IGF1R: variants seen among roughly 807,000 people sequenced by gnomAD.
IGF1R encodes the protein insulin-like growth factor 1 receptor.
Under a neutral mutation model 144.6 loss-of-function variants are expected in IGF1R, and 44 were observed. The ratio of observed to expected loss-of-function variants is 0.30; its 90% confidence interval spans 0.24 to 0.39. The LOEUF is 0.39. Among genes scored for constraint, IGF1R ranks in the 10% least tolerant of loss-of-function variants. The pLI, the probability that IGF1R is intolerant of heterozygous loss-of-function variation, is 1.00. For missense variants in IGF1R, 1,355 were observed against 1,833.7 expected, an observed-to-expected ratio of 0.74 and a Z score of 4.77; for synonymous variants, 795 against 722.8, an observed-to-expected ratio of 1.10 and a Z score of -1.60.
Position 98,957,486 on chromosome 15 carries a change from C to T in IGF1R, c.*44C>T, listed in dbSNP as rs771268141. On this transcript the variant is annotated 3_prime_UTR_variant, in exon 21 of 21. Coordinates refer to ENST00000650285, the MANE Select transcript of IGF1R (RefSeq NM_000875.5). The stretch of plus-strand genomic sequence containing the variant: ...GTGCAAACAGTAACGTGTGCGCACG[C>T]GCAGCGGGGTGGGGGGGGAGAGAGA... 9.4e-5 allele frequency: 151 copies of T among 1,610,334 alleles called. No individual in the cohort carries two copies. The highest frequency in any genetic ancestry group is 1.1e-4 in the Non-Finnish European group (133 of 1,178,958).
chr15:98,839,767 T>C (rs2465533), intron 2 of IGF1R, among the ~76,000 whole-genome samples: 5,585 of 152,264 alleles, frequency 0.037, 161 homozygotes, highest in East Asian at 0.15. Context: ...GGCTGCTTCC[T>C]CTACATGGTA....
At position 98,902,656 on chromosome 15, in the gene IGF1R, C is replaced by T. The variant is rs539048599; in HGVS notation, c.1247+3035C>T. Among the ~76,000 whole-genome samples, 9 of 152,012 alleles carry T rather than the reference C, an allele frequency of 5.9e-5. No individual in the cohort carries two copies. The South Asian group carries it at 1.9e-3, about 32-fold the overall frequency. On this transcript the variant is annotated intron_variant, in intron 5 of 20. Transcript: ENST00000650285. ...GTCTCAAACTCCTGACCTTGTGATC[C>T]GCCCGCCTCAGCCTCCCAATGTGCT...
Position 98,961,044 on chromosome 15 carries a change from C to G in IGF1R, c.*3602C>G, listed in dbSNP as rs1343756889. The G allele has an allele frequency of 4.3e-6, 1 of 233,544 alleles. No homozygotes were observed. Among genetic ancestry groups the G allele is most frequent in the Non-Finnish European group, 8.5e-6 (1 of 118,020 alleles). The allele number at this position is 233,544 out of a possible 1,614,324, so 14.5% of individuals were successfully genotyped here. On this transcript the variant is annotated 3_prime_UTR_variant, in exon 21 of 21. Coordinates refer to ENST00000650285, the MANE Select transcript of IGF1R (RefSeq NM_000875.5). ...AGTGTGGCGGGCAGCTTTGCCTAAG[C>G]GTGGATGGCTCCTCGGCAATTCCAG...
chr15:98,934,702 C>T, intron 15 of IGF1R, 122 bp from the exon 16 acceptor site: 1 of 821,730 alleles, frequency 1.2e-6, no homozygotes, highest in Non-Finnish European at 2.1e-6. Context: ...CCATCGCCTC[C>T]TGGTATTCTC....
Position 98,897,799 on chromosome 15 carries a change from C to T in IGF1R, c.1102+894C>T, listed in dbSNP as rs572021802. Among the ~76,000 whole-genome samples, 9 of 152,238 alleles carry T rather than the reference C, an allele frequency of 5.9e-5. 1 individual carries two copies. In the South Asian group the frequency reaches 1.9e-3, roughly 32 times the overall value. ...TTGCCAAGGGCTTCTAGTAATGGTG[C>T]CTTAAATTCTCTGCCACTGGGACCA... On this transcript the variant is annotated intron_variant, in intron 4 of 20. Transcript: ENST00000650285.
At chr15:98,951,780 C>T (rs953871022) in intron 20 of IGF1R, among the ~76,000 whole-genome samples, 3 of 151,528 alleles carry the variant, frequency 2.0e-5, no homozygotes, top group Non-Finnish European at 4.4e-5. Context: ...GTGCAGAGTT[C>T]GGCACACTCT....
intron 1 of IGF1R, among the ~76,000 whole-genome samples, chr15:98,687,322 T>C (rs1396602891): frequency 6.6e-6 from 1 of 152,128 alleles, no homozygotes; most frequent in Non-Finnish European, 1.5e-5. Flanking sequence ...CAGGCGAGTG[T>C]TAAAGGCCTG....
intron 5 of IGF1R, among the ~76,000 whole-genome samples, chr15:98,905,100 A>G (rs2014669718): frequency 6.6e-6 from 1 of 152,244 alleles, no homozygotes; most frequent in African/African-American, 2.4e-5. Context: ...GATGAGGCTC[A>G]GACCTGACCT....
intron 4 of IGF1R, 115 bp from the exon 5 acceptor site, chr15:98,899,362 G>T (rs912999188): frequency 7.0e-6 from 7 of 1,005,332 alleles, no homozygotes; most frequent in African/African-American, 1.6e-5. Context: ...CCTGTGCTGG[G>T]AGCATCTCAG....
intron 6 of IGF1R, among the ~76,000 whole-genome samples, chr15:98,909,809 C>T (rs944827345): frequency 6.6e-5 from 10 of 152,220 alleles, no homozygotes; most frequent in African/African-American, 2.2e-4. Flanking sequence ...TAATTACAGC[C>T]TTGTACTGTT....
intron 2 of IGF1R, among the ~76,000 whole-genome samples, chr15:98,744,140 C>G (rs143383099): frequency 6.6e-6 from 1 of 152,040 alleles, no homozygotes; most frequent in East Asian, 1.9e-4. Context: ...AAAGTAGAAA[C>G]ACACATGAGA....
rs886763114 is a variant in IGF1R at position 98,836,108 on chromosome 15, C to T, written c.641-55217C>T. Among the ~76,000 whole-genome samples the T allele has an allele frequency of 5.3e-5, 8 of 152,058 alleles. No homozygotes were observed. In the East Asian group the frequency reaches 7.7e-4, roughly 15 times the overall value. On this transcript the variant is annotated intron_variant, in intron 2 of 20. Coordinates refer to ENST00000650285, the MANE Select transcript of IGF1R (RefSeq NM_000875.5). ...TGAAATTCGTCCAGTGAGGAAAATC[C>T]GCAGAGCTAGAGCCCAAACCAGCAA...
intron 1 of IGF1R, among the ~76,000 whole-genome samples, chr15:98,696,548 A>C (rs1457254317): frequency 6.6e-6 from 1 of 152,240 alleles, no homozygotes; most frequent in Non-Finnish European, 1.5e-5. Context: ...GAAAATGGGC[A>C]CATCCCCAAA....
At chr15:98,816,680 C>T (rs1420817126) in intron 2 of IGF1R, among the ~76,000 whole-genome samples, 1 of 152,218 alleles carries the variant, frequency 6.6e-6, no homozygotes, top group East Asian at 1.9e-4. Context: ...TTGATGCTCC[C>T]TGGAGTGTAA....
intron 2 of IGF1R, among the ~76,000 whole-genome samples, chr15:98,728,724 C>G (rs2054425715): frequency 6.6e-6 from 1 of 152,218 alleles, no homozygotes; most frequent in Admixed American, 6.5e-5. Flanking sequence ...CTGCACTCTC[C>G]CGAGGCCAGC....
chr15:98,878,243 A>G (rs1380441774), intron 2 of IGF1R, among the ~76,000 whole-genome samples: 2 of 152,224 alleles, frequency 1.3e-5, no homozygotes, highest in African/African-American at 2.4e-5. Context: ...GTTTGTCCCT[A>G]CGGGACACAG....
chr15:98,761,152 T>G (rs550090307), intron 2 of IGF1R, among the ~76,000 whole-genome samples: 3 of 152,322 alleles, frequency 2.0e-5, no homozygotes. Flanking sequence ...TGGCTCTGAG[T>G]TCCAGAGTGT....
chr15:98,657,409 C>T lies in IGF1R; in HGVS notation c.94+7734C>T, dbSNP rs186026014. On this transcript the variant is annotated intron_variant, in intron 1 of 20. Transcript: ENST00000650285. Reference sequence around the variant, plus strand: ...ATTAATTCTGTCTAGATTGTAAAATCCCTCTCAGTTGTGTCCACATTTATC... The same window carrying T: ...ATTAATTCTGTCTAGATTGTAAAATTCCTCTCAGTTGTGTCCACATTTATC... Among the ~76,000 whole-genome samples, 49 of 152,320 alleles carry T rather than the reference C, an allele frequency of 3.2e-4. No homozygotes were observed. In the South Asian group the frequency reaches 3.7e-3, roughly 12 times the overall value.
At chr15:98,929,433 A>G in intron 13 of IGF1R, 125 bp from the exon 14 acceptor site, 1 of 759,606 alleles carries the variant, frequency 1.3e-6, no homozygotes, top group Middle Eastern at 2.3e-4. Flanking sequence ...AGGAATTCTT[A>G]CTGTATGATG....
Sources: gnomAD v4.1 joint callset for allele counts (sites outside exome capture counted in the v4.1 genomes callset) on GRCh38, gnomAD v4.1.1 for gene constraint, MANE v1.5 for transcripts, NCBI Gene and HGNC (gene_info 2026-07-23, HGNC 2026-07-21) for gene names.